TOP6BL: variants seen among roughly 807,000 people sequenced by gnomAD.
TOP6BL encodes type 2 DNA topoisomerase 6 subunit B-like.
At chr11:66,751,025 AT>A in the TOP6BL span, among the ~76,000 whole-genome samples, 1 of 145,838 alleles carries the variant, frequency 6.9e-6, no homozygotes, top group Non-Finnish European at 1.5e-5. Flanking sequence ...TTATTTATTT[AT>A]TAATTTAGAG....
At chr11:66,822,578 A>G in the TOP6BL span, 59 of 1,550,942 alleles carry the variant, frequency 3.8e-5, no homozygotes, top group Non-Finnish European at 5.1e-5. Context: ...AGCAGAAACT[A>G]CAGGCCTCAC....
the TOP6BL span, among the ~76,000 whole-genome samples, chr11:66,775,679 T>G: frequency 7.9e-5 from 12 of 152,334 alleles, no homozygotes; most frequent in African/African-American, 2.6e-4. Context: ...CACTTATGGT[T>G]CTGCAACCTC....
chr11:66,766,453 CCTAA>C, the TOP6BL span, among the ~76,000 whole-genome samples: 1 of 152,130 alleles, frequency 6.6e-6, no homozygotes. Flanking sequence ...TTCTCTGGTC[CCTAA>C]CTATTTATAC....
the TOP6BL span, chr11:66,801,094 T>G: frequency 6.2e-7 from 1 of 1,613,622 alleles, no homozygotes; most frequent in African/African-American, 1.3e-5. Flanking sequence ...ACTCCCAGCA[T>G]TATGTGAGGT....
the TOP6BL span, chr11:66,800,528 T>C: frequency 4.0e-6 from 3 of 740,972 alleles, no homozygotes; most frequent in Admixed American, 6.3e-5. Context: ...TTAAAAGTAA[T>C]GTTAATTTAA....
chr11:66,759,076 TC>T, the TOP6BL span: 1 of 1,562,836 alleles, frequency 6.4e-7, no homozygotes, highest in South Asian at 1.2e-5. Context: ...GGTGGCATGG[TC>T]CTCAAGAAGT....
At chr11:66,761,647 A>G in the TOP6BL span, 2 of 1,166,546 alleles carry the variant, frequency 1.7e-6, no homozygotes, top group African/African-American at 3.1e-5. Context: ...GGGCTGTGCG[A>G]AGCTCCACCA....
At chr11:66,791,318 C>T in the TOP6BL span, among the ~76,000 whole-genome samples, 2 of 152,208 alleles carry the variant, frequency 1.3e-5, no homozygotes, top group Non-Finnish European at 2.9e-5. Flanking sequence ...GGCTGGGTAA[C>T]ATGTCCCTTC....
chr11:66,761,955 T>G, the TOP6BL span: 1 of 1,556,056 alleles, frequency 6.4e-7, no homozygotes, highest in Non-Finnish European at 8.9e-7. Context: ...TTCAACCTTC[T>G]GCCCTTGCGA....
At chr11:66,805,895 A>G in the TOP6BL span, among the ~76,000 whole-genome samples, 2 of 152,358 alleles carry the variant, frequency 1.3e-5, no homozygotes, top group Admixed American at 6.5e-5. Context: ...TTGTATCTCA[A>G]TAAAGCTATT....
the TOP6BL span, among the ~76,000 whole-genome samples, chr11:66,762,973 G>A: frequency 4.6e-5 from 7 of 152,216 alleles, no homozygotes; most frequent in African/African-American, 1.7e-4. Flanking sequence ...GGGAGGACAA[G>A]ATGGAAGAAT....
At chr11:66,775,459 A>G in the TOP6BL span, among the ~76,000 whole-genome samples, 672 of 152,284 alleles carry the variant, frequency 4.4e-3, 31 homozygotes, top group East Asian at 0.098. Context: ...TTTTTGCCCT[A>G]TGAGTATAAG....
At chr11:66,759,765 G>C in the TOP6BL span, among the ~76,000 whole-genome samples, 1 of 152,068 alleles carries the variant, frequency 6.6e-6, no homozygotes, top group East Asian at 1.9e-4. Flanking sequence ...TTGTATCTTA[G>C]TAGAGATGGG....
At chr11:66,812,397 C>A in the TOP6BL span, among the ~76,000 whole-genome samples, 1 of 152,056 alleles carries the variant, frequency 6.6e-6, no homozygotes, top group African/African-American at 2.4e-5. Context: ...AGGATGGTCT[C>A]AATCTCCTGA....
the TOP6BL span, among the ~76,000 whole-genome samples, chr11:66,794,235 T>TTATGTTATA: frequency 2.6e-5 from 4 of 152,200 alleles, no homozygotes; most frequent in South Asian, 8.3e-4. Context: ...TTTTTGTTTT[T>TTATGTTATA]TGTTTTTAAC....
chr11:66,813,919 C>G, the TOP6BL span: 1 of 1,613,600 alleles, frequency 6.2e-7, no homozygotes, highest in Non-Finnish European at 8.5e-7. Context: ...TTGGGAGCAG[C>G]CGATGACTAC....
At chr11:66,830,653 T>C in the TOP6BL span, among the ~76,000 whole-genome samples, 2 of 152,110 alleles carry the variant, frequency 1.3e-5, no homozygotes, top group African/African-American at 4.8e-5. Context: ...GCCAGACTAA[T>C]CAGAATAAAA....
the TOP6BL span, among the ~76,000 whole-genome samples, chr11:66,799,387 A>C: frequency 2.8e-5 from 4 of 140,952 alleles, no homozygotes; most frequent in Non-Finnish European, 6.1e-5. Context: ...CTCCATTTCA[A>C]AAAAAAAAAA....
the TOP6BL span, among the ~76,000 whole-genome samples, chr11:66,798,317 G>A: frequency 2.6e-5 from 4 of 151,906 alleles, no homozygotes; most frequent in Admixed American, 6.6e-5. Flanking sequence ...GGAGGTGAAG[G>A]GGCTGGGTGT....
Sources: gnomAD v4.1 joint callset for allele counts (sites outside exome capture counted in the v4.1 genomes callset) on GRCh38, gnomAD v4.1.1 for gene constraint, MANE v1.5 for transcripts, NCBI Gene and HGNC (gene_info 2026-07-23, HGNC 2026-07-21) for gene names.